The following PDE1C variants were observed in gnomAD, a reference collection of about 807,000 sequenced individuals.
The protein encoded by PDE1C is dual specificity calcium/calmodulin-dependent 3',5'-cyclic nucleotide phosphodiesterase 1C.
Under a neutral mutation model 93.1 loss-of-function variants are expected in PDE1C, and 62 were observed. That is an observed-to-expected ratio of 0.67 (90% CI 0.54 to 0.82). The LOEUF is 0.82. Ranked by LOEUF, PDE1C falls within the 40% of genes least tolerant of loss-of-function variation. The pLI, the probability that PDE1C is intolerant of heterozygous loss-of-function variation, is 0.00. For synonymous variants in PDE1C, 325 were observed against 310.1 expected (o/e 1.05, Z -0.50); for missense variants, 742 against 884.6 (o/e 0.84, Z 2.04).
At chr7:31,806,863 A>G (rs1786899422) in intron 16 of PDE1C, among the ~76,000 whole-genome samples, 1 of 150,644 alleles carries the variant, frequency 6.6e-6, no homozygotes, top group Non-Finnish European at 1.5e-5. Context: ...ATAGGATCCA[A>G]AAAGAAATGT....
chr7:31,622,882 G>A, the PDE1C span, among the ~76,000 whole-genome samples: 21 of 152,200 alleles, frequency 1.4e-4, no homozygotes, highest in African/African-American at 5.1e-4. Context: ...AAGAAGAAAA[G>A]AGAAGACTCA....
chr7:32,367,784 A>G (rs1413250508), intron 1 of PDE1C, among the ~76,000 whole-genome samples: 1 of 152,080 alleles, frequency 6.6e-6, no homozygotes, highest in African/African-American at 2.4e-5. Flanking sequence ...CTCTACAAAA[A>G]ATTTAAAAAT....
chr7:32,176,117 A>T (rs954392751), intron 2 of PDE1C, among the ~76,000 whole-genome samples: 2 of 152,354 alleles, frequency 1.3e-5, no homozygotes, highest in East Asian at 3.9e-4. Context: ...ATCCTTTAAC[A>T]GTACCAAAGT....
At chr7:32,324,616 A>C (rs1783367732) in intron 1 of PDE1C, among the ~76,000 whole-genome samples, 1 of 152,236 alleles carries the variant, frequency 6.6e-6, no homozygotes, top group East Asian at 1.9e-4. Flanking sequence ...TAAAGAACAA[A>C]ACATGTTTCT....
At chr7:31,865,204 TAC>T in intron 6 of PDE1C, 122 bp from the exon 7 acceptor site, 1 of 836,918 alleles carries the variant, frequency 1.2e-6, no homozygotes, top group Non-Finnish European at 1.8e-6. Context: ...AATTGGAACT[TAC>T]ACAGTTAATA....
chr7:32,356,799 A>AC (rs1784038403), intron 1 of PDE1C, among the ~76,000 whole-genome samples: 1 of 152,212 alleles, frequency 6.6e-6, no homozygotes, highest in Non-Finnish European at 1.5e-5. Context: ...TCATACATAC[A>AC]ACTCATTTTC....
At chr7:31,736,944 T>G in the PDE1C span, among the ~76,000 whole-genome samples, 1 of 151,820 alleles carries the variant, frequency 6.6e-6, no homozygotes, top group Non-Finnish European at 1.5e-5. Flanking sequence ...CTAATTCTTT[T>G]TTTCCCCCTT....
At chr7:32,204,716 C>T (rs1291724754) in intron 2 of PDE1C, among the ~76,000 whole-genome samples, 2 of 152,106 alleles carry the variant, frequency 1.3e-5, no homozygotes, top group African/African-American at 4.8e-5. Context: ...CCTTTTTTAC[C>T]TATTATCCCC....
At chr7:32,179,494 C>T (rs1803243363) in intron 2 of PDE1C, among the ~76,000 whole-genome samples, 1 of 152,160 alleles carries the variant, frequency 6.6e-6, no homozygotes, top group African/African-American at 2.4e-5. Flanking sequence ...CTCCTGACCT[C>T]GTGATCCGCC....
intron 1 of PDE1C, among the ~76,000 whole-genome samples, chr7:32,341,177 T>TTTTTTTTTTTTTTTTTTTA (rs1562682186): frequency 2.7e-5 from 3 of 109,402 alleles, no homozygotes; most frequent in African/African-American, 9.8e-5. Flanking sequence ...TAAAGTCTTT[T>TTTTTTTTTTTTTTTTTTTA]TTTTTTTTTT....
intron 1 of PDE1C, among the ~76,000 whole-genome samples, chr7:32,276,875 G>A (rs1047346383): frequency 1.3e-5 from 2 of 152,090 alleles, no homozygotes; most frequent in Non-Finnish European, 2.9e-5. Flanking sequence ...ACAAAATCCT[G>A]GCTTTTATGA....
At chr7:31,737,015 G>A in the PDE1C span, among the ~76,000 whole-genome samples, 2,191 of 152,180 alleles carry the variant, frequency 0.014, 34 homozygotes, top group Middle Eastern at 0.051. Context: ...GCAGTGGTGT[G>A]ATCATGGCTC....
chr7:32,000,201 G>A (rs2128556656), intron 2 of PDE1C, among the ~76,000 whole-genome samples: 1 of 152,266 alleles, frequency 6.6e-6, no homozygotes, highest in South Asian at 2.1e-4. Flanking sequence ...GAGCCTTTCT[G>A]TGCCTCAGAT....
chr7:32,231,788 C>T (rs990059953), intron 1 of PDE1C, among the ~76,000 whole-genome samples: 24 of 152,078 alleles, frequency 1.6e-4, no homozygotes, highest in Non-Finnish European at 2.9e-4. Context: ...ACACAAATTA[C>T]GCTTGTCACA....
At chr7:32,279,245 A>C (rs998492733) in intron 1 of PDE1C, among the ~76,000 whole-genome samples, 8 of 152,200 alleles carry the variant, frequency 5.3e-5, no homozygotes, top group Non-Finnish European at 1.2e-4. Context: ...ATTTTTGAAA[A>C]ATTAAAAATA....
intron 2 of PDE1C, among the ~76,000 whole-genome samples, chr7:31,924,436 T>C (rs914714408): frequency 1.5e-4 from 23 of 152,358 alleles, no homozygotes; most frequent in African/African-American, 4.6e-4. Flanking sequence ...ATGTCTCCCA[T>C]GCAATCAGCT....
At chr7:32,374,119 G>GGAGAGA (rs368959041) in intron 1 of PDE1C, among the ~76,000 whole-genome samples, 1 of 125,760 alleles carries the variant, frequency 8.0e-6, no homozygotes, top group African/African-American at 3.2e-5. Context: ...AAGGAAGGAA[G>GGAGAGA]GAGAGAGAGA....
intron 3 of PDE1C, among the ~76,000 whole-genome samples, chr7:32,142,069 G>C (rs1483435584): frequency 1.3e-5 from 2 of 152,050 alleles, no homozygotes; most frequent in Non-Finnish European, 2.9e-5. Context: ...TTTTGAGTGG[G>C]AATGAAAAGT....
chr7:32,298,792 C>G (rs1045004500), exon 1 of PDE1C: 931 of 1,538,100 alleles, frequency 6.1e-4, no homozygotes, highest in Non-Finnish European at 7.8e-4. Context: ...TGCGGTCCCC[C>G]CCACGGCGGA....
Sources: gnomAD v4.1 joint callset for allele counts (sites outside exome capture counted in the v4.1 genomes callset) on GRCh38, gnomAD v4.1.1 for gene constraint, MANE v1.5 for transcripts, NCBI Gene and HGNC (gene_info 2026-07-23, HGNC 2026-07-21) for gene names.